The following SPTB variants were observed in gnomAD, a reference collection of about 807,000 sequenced individuals.
SPTB encodes spectrin beta chain, erythrocytic.
SPTB carries 45 observed loss-of-function variants against 256.2 expected under a neutral mutation model. That is an observed-to-expected ratio of 0.18 (90% confidence interval 0.14 to 0.23). The LOEUF (loss-of-function observed/expected upper bound fraction) is 0.23, where lower values mean the gene tolerates loss of function less well. Among genes scored for constraint, SPTB ranks in the 10% least tolerant of loss-of-function variants. SPTB has a pLI of 1.00. For missense variants in SPTB, 2,715 were observed against 3,040.4 expected (o/e 0.89, Z 2.52); for synonymous variants, 1,231 against 1,243.1 (o/e 0.99, Z 0.21).
At position 64,853,587 on chromosome 14, in the gene SPTB, C is replaced by T. The variant is rs190517167; in HGVS notation, c.-52+26205G>A. Among the ~76,000 whole-genome samples, 55 of 152,210 alleles carry T rather than the reference C, an allele frequency of 3.6e-4. No homozygotes were observed. The highest frequency in any genetic ancestry group is 6.2e-4 in the Non-Finnish European group (42 of 68,024). ...GGGAGTGGAATAAATCAGAGTACAA[C>T]GAAGAATGTAGCCCATTCCTTCAAA... On this transcript the variant is annotated intron_variant, in intron 1 of 35. Transcript: ENST00000644917. The surrounding 1 kb of genome is among the most constrained non-coding windows in gnomAD (Gnocchi z 4.3).
In SPTB at chr14:64,758,266, GA is replaced by G. The variant is rs2082043955; in HGVS notation, c.6346-4474del. Reference sequence around the variant, plus strand: ...TGGAGTAGCAGATGCTCAGGACTGAGAAATGGGGAATGGGAATCTCAGCCAC... The same window carrying G: ...TGGAGTAGCAGATGCTCAGGACTGAGAATGGGGAATGGGAATCTCAGCCAC... On this transcript the variant is annotated intron_variant, in intron 32 of 35. Transcript: ENST00000644917. The surrounding 1 kb of genome is among the most constrained non-coding windows in gnomAD (Gnocchi z 4.6). 6.6e-6 allele frequency among the ~76,000 whole-genome samples: 1 copy of G among 152,246 alleles called. No homozygotes were observed. The highest frequency in any genetic ancestry group is 1.5e-5 in the Non-Finnish European group (1 of 68,032).
chr14:64,871,289 T>G (rs1372447112), intron 1 of SPTB, among the ~76,000 whole-genome samples: 1 of 151,966 alleles, frequency 6.6e-6, no homozygotes, highest in Non-Finnish European at 1.5e-5. Context: ...CTGGGAGAAA[T>G]GGTCAGGACT....
In SPTB at chr14:64,811,445, T is replaced by A. The variant is rs1481804921; in HGVS notation, c.149-6355A>T. Among the ~76,000 whole-genome samples, 7 of 152,204 alleles carry A rather than the reference T, an allele frequency of 4.6e-5. No homozygotes were observed. The East Asian group carries it at 1.2e-3, about 25-fold the overall frequency. ...ATCATAAAGACATTTTTAAGACAAC[T>A]TGGAAAATCTGAATATCAAGTGTAT... On this transcript the variant is annotated intron_variant, in intron 2 of 35. Coordinates refer to ENST00000644917, the MANE Select transcript of SPTB (RefSeq NM_001355436.2).
rs190783420 is a variant in SPTB, at chr14:64,806,905, G to A, written c.149-1815C>T. On this transcript the variant is annotated intron_variant, in intron 2 of 35. Transcript: ENST00000644917. The surrounding 1 kb of genome is among the most constrained non-coding windows in gnomAD (Gnocchi z 4.1). ...CCTAAATACATGTAAAATTTAAACG[G>A]CATTCATTTATTCTGGGCCTCTGTG... Among the ~76,000 whole-genome samples the A allele has an allele frequency of 1.8e-4, 27 of 152,236 alleles. No homozygotes were observed. The highest frequency in any genetic ancestry group is 5.3e-4 in the African/African-American group (22 of 41,544).
Position 64,844,372 on chromosome 14 carries a change from C to T in SPTB, c.-51-21227G>A, listed in dbSNP as rs923666148. ...AGACATTTGTAGAATACCATCACCC[C>T]CAACAACGAAACAACCATGTTTAGT... is the stretch of plus-strand genomic sequence containing the variant. On this transcript the variant is annotated intron_variant, in intron 1 of 35. Coordinates refer to ENST00000644917, the MANE Select transcript of SPTB (RefSeq NM_001355436.2). This position sits in a 1 kb window ranked among gnomAD's most constrained non-coding sequence, Gnocchi z 4.1. Among the ~76,000 whole-genome samples, 3 of 152,200 alleles carry T rather than the reference C, an allele frequency of 2.0e-5. No individual in the cohort carries two copies. Among genetic ancestry groups the T allele is most frequent in the Non-Finnish European group, 4.4e-5 (3 of 68,032 alleles).
chr14:64,822,849 C>T, intron 2 of SPTB, 98 bp downstream of exon 2: 1 of 1,560,200 alleles, frequency 6.4e-7, no homozygotes, highest in South Asian at 1.1e-5. Flanking sequence ...CATGCCAGGG[C>T]TCACCCAACA....
At position 64,873,949 on chromosome 14, in the gene SPTB, G is replaced by T. The variant is rs575927784; in HGVS notation, c.-52+5843C>A. 6.6e-6 allele frequency among the ~76,000 whole-genome samples: 1 copy of T among 152,196 alleles called. No homozygotes were observed. Among genetic ancestry groups the T allele is most frequent in the Admixed American group, 6.5e-5 (1 of 15,292 alleles). ...ACAAAGGCATGCTGAAAATTGAGTG[G>T]ACTATAGTTATCTGTGATCATCATC... On this transcript the variant is annotated intron_variant, in intron 1 of 35. Coordinates refer to ENST00000644917, the MANE Select transcript of SPTB (RefSeq NM_001355436.2). The surrounding 1 kb of genome is among the most constrained non-coding windows in gnomAD (Gnocchi z 4.3).
intron 2 of SPTB, among the ~76,000 whole-genome samples, chr14:64,809,923 T>C (rs543142837): frequency 6.6e-6 from 1 of 152,206 alleles, no homozygotes; most frequent in Admixed American, 6.5e-5. Flanking sequence ...CATCAAGATA[T>C]CAATTTACCC....
intron 1 of SPTB, among the ~76,000 whole-genome samples, chr14:64,834,687 AG>A (rs2083495917): frequency 6.6e-6 from 1 of 152,082 alleles, no homozygotes; most frequent in African/African-American, 2.4e-5. Flanking sequence ...GGTCTCCCAA[AG>A]TGCTGGGATT....
chr14:64,772,975 A>T lies in SPTB; in HGVS notation c.5179-21T>A. On this transcript the variant is annotated intron_variant, in intron 25 of 35. Coordinates refer to ENST00000644917, the MANE Select transcript of SPTB (RefSeq NM_001355436.2). The surrounding 1 kb of genome is among the most constrained non-coding windows in gnomAD (Gnocchi z 5.4). ...AGAAGCTAGGCATGGGGCAGACAGAAATGTGGTTATGGGGGGCACAGGGGT... is the reference window on the plus strand; with the variant it reads ...AGAAGCTAGGCATGGGGCAGACAGATATGTGGTTATGGGGGGCACAGGGGT... 1 of 1,594,254 alleles carries T rather than the reference A, an allele frequency of 6.3e-7. No individual in the cohort carries two copies. Among genetic ancestry groups the T allele is most frequent in the African/African-American group, 1.3e-5 (1 of 74,844 alleles).
rs1391560155 is a variant in SPTB at position 64,764,015 on chromosome 14, C to T, written c.6345+2711G>A. Among the ~76,000 whole-genome samples, 1 of 152,200 alleles carries T rather than the reference C, an allele frequency of 6.6e-6. No individual in the cohort carries two copies. Among genetic ancestry groups the T allele is most frequent in the Non-Finnish European group, 1.5e-5 (1 of 68,038 alleles). On this transcript the variant is annotated intron_variant, in intron 32 of 35. Transcript: ENST00000644917. This position sits in a 1 kb window ranked among gnomAD's most constrained non-coding sequence, Gnocchi z 4.2. ...TCAGTTCCCCCCAGCAGGAAGCCGA[C>T]ATGCACAGTGAGGGATTGTACATGA...
intron 1 of SPTB, among the ~76,000 whole-genome samples, chr14:64,850,196 T>C (rs1179456409): frequency 1.3e-5 from 2 of 152,248 alleles, no homozygotes; most frequent in Non-Finnish European, 2.9e-5. Flanking sequence ...TGACTGTTCA[T>C]ATGCCTACTA....
intron 1 of SPTB, among the ~76,000 whole-genome samples, chr14:64,848,228 A>C (rs1003079804): frequency 6.6e-6 from 1 of 152,012 alleles, no homozygotes; most frequent in Admixed American, 6.6e-5. Flanking sequence ...TAGGGAGGAC[A>C]CTCCTACTCT....
chr14:64,867,859 CAAAAAAAAAAAAAAA>C (rs35825614), intron 1 of SPTB, among the ~76,000 whole-genome samples: 108 of 124,032 alleles, frequency 8.7e-4, no homozygotes, highest in South Asian at 6.3e-3. Context: ...GACTCTGTCT[CAAAAAAAAAAAAAAA>C]AAAAAAAAAA....
chr14:64,749,086 G>C lies in SPTB; in HGVS notation c.*220C>G, dbSNP rs985139023. 6.2e-6 allele frequency: 3 copies of C among 487,122 alleles called. No homozygotes were observed. 30.2% of individuals were successfully genotyped at this position (487,122 alleles called of 1,614,324 possible). On this transcript the variant is annotated 3_prime_UTR_variant, in exon 36 of 36. Transcript: ENST00000644917. The surrounding 1 kb of genome is among the most constrained non-coding windows in gnomAD (Gnocchi z 4.7). ...GGCGCCAGAGGAGCTGGGAGCCCCT[G>C]TCCCTGGAGCGGAGCCAGCGCGGGC...
chr14:64,816,141 G>A lies in SPTB; in HGVS notation c.148+6806C>T, dbSNP rs957016755. Among the ~76,000 whole-genome samples, 3 of 152,120 alleles carry A rather than the reference G, an allele frequency of 2.0e-5. No homozygotes were observed. The highest frequency in any genetic ancestry group is 2.9e-5 in the Non-Finnish European group (2 of 68,030). Reference sequence around the variant, plus strand: ...ATTTCCCTGCTGAAAGTACTTTGATGGGCTGGCAGCAGCTCCTGCCCTCCA... The same window carrying A: ...ATTTCCCTGCTGAAAGTACTTTGATAGGCTGGCAGCAGCTCCTGCCCTCCA... On this transcript the variant is annotated intron_variant, in intron 2 of 35. Transcript: ENST00000644917. The surrounding 1 kb of genome is among the most constrained non-coding windows in gnomAD (Gnocchi z 4.2).
rs139814875 is a variant in SPTB at position 64,750,347 on chromosome 14, C to T, written c.6603-193G>A. On this transcript the variant is annotated intron_variant, in intron 33 of 35. Transcript: ENST00000644917. Reference sequence around the variant, plus strand: ...GCTATTATTAACATTTTATGTATTCCTTCTAGTCTTCACATTTTCGCATTT... The same window carrying T: ...GCTATTATTAACATTTTATGTATTCTTTCTAGTCTTCACATTTTCGCATTT... The T allele has an allele frequency of 1.7e-5, 11 of 634,828 alleles. No homozygotes were observed. In the East Asian group the frequency reaches 3.0e-4, roughly 17 times the overall value. 39.3% of individuals were successfully genotyped at this position (634,828 alleles called of 1,614,324 possible).
rs780775912 is a variant in SPTB, at chr14:64,764,297, C to T, written c.6345+2429G>A. ...GGCTCTGTCCTCCTCTTTCTTGCAT[C>T]GAAGGTGGATGGGGTATTAGGCCCT... On this transcript the variant is annotated intron_variant, in intron 32 of 35. Transcript: ENST00000644917. The surrounding 1 kb of genome is among the most constrained non-coding windows in gnomAD (Gnocchi z 4.2). Among the ~76,000 whole-genome samples the T allele has an allele frequency of 1.3e-5, 2 of 152,180 alleles. No individual in the cohort carries two copies. Among genetic ancestry groups the T allele is most frequent in the Non-Finnish European group, 2.9e-5 (2 of 68,040 alleles).
At chr14:64,831,009 T>G (rs2083444777) in intron 1 of SPTB, among the ~76,000 whole-genome samples, 2 of 152,176 alleles carry the variant, frequency 1.3e-5, no homozygotes, top group Non-Finnish European at 2.9e-5. Flanking sequence ...AGAATCTGAG[T>G]GAGGTTGCCT....
Sources: allele counts gnomAD v4.1 joint callset (sites outside exome capture counted in the v4.1 genomes callset), GRCh38; gene constraint gnomAD v4.1.1; non-coding constraint Gnocchi (gnomAD v3.1); transcripts MANE v1.5; gene names NCBI Gene and HGNC (gene_info 2026-07-23, HGNC 2026-07-21).